XIRP1: variants seen among roughly 807,000 people sequenced by gnomAD.
XIRP1 encodes the protein xin actin binding repeat containing 1.
For synonymous variants in XIRP1, 984 were observed against 947.0 expected (o/e 1.04, Z -0.72); for missense variants, 2,378 against 2,345.4 (o/e 1.01, Z -0.29).
At chr3:39,191,511 G>A (rs1321530155) in intron 1 of XIRP1, among the ~76,000 whole-genome samples, 1 of 152,204 alleles carries the variant, frequency 6.6e-6, no homozygotes, top group South Asian at 2.1e-4. Flanking sequence ...CCAAAGAGGG[G>A]AAAGGAGCTG....
rs759885715 is a variant in XIRP1, at chr3:39,185,219, C to T, written c.4227G>A (p.Arg1409=). Residue 1409 remains arginine (R), a synonymous_variant, in exon 2 of 2, where the codon AGG becomes AGA. Coordinates refer to ENST00000340369, the MANE Select transcript of XIRP1 (RefSeq NM_194293.4). ...LQHGLSTTAP[R]PTKNQATGSN... is the part of the protein sequence containing the mutation. ...TGCCTGTAGCCTGATTCTTGGTGGGCCTGGGGGCCGTGGTGCTGAGGCCAT... is the reference window on the plus strand; with the variant it reads ...TGCCTGTAGCCTGATTCTTGGTGGGTCTGGGGGCCGTGGTGCTGAGGCCAT... 1 of 1,614,006 alleles carries T rather than the reference C, an allele frequency of 6.2e-7. No homozygotes were observed. The highest frequency in any genetic ancestry group is 8.5e-7 in the Non-Finnish European group (1 of 1,179,972).
intron 1 of XIRP1, among the ~76,000 whole-genome samples, chr3:39,191,176 G>A (rs2040082435): frequency 6.6e-6 from 1 of 152,202 alleles, no homozygotes; most frequent in South Asian, 2.1e-4. Flanking sequence ...AACCTTTGGG[G>A]AATGTGAGCT....
In XIRP1 at chr3:39,184,813, C is replaced by T; in HGVS notation, c.4633G>A (p.Ala1545Thr). 1 of 1,614,170 alleles carries T rather than the reference C, an allele frequency of 6.2e-7. No homozygotes were observed. Among genetic ancestry groups the T allele is most frequent in the Non-Finnish European group, 8.5e-7 (1 of 1,179,978 alleles). ...EVAQLKEQTL[A>T]RLLDIEEAVH... is the part of the protein sequence containing the mutation. ...GCCTCTTCAATGTCCAGCAGCCTTGCCAAGGTCTGTTCCTTCAGTTGAGCA... is the reference window on the plus strand; with the variant it reads ...GCCTCTTCAATGTCCAGCAGCCTTGTCAAGGTCTGTTCCTTCAGTTGAGCA... Residue 1545 changes from alanine (A) to threonine (T), a missense_variant, in exon 2 of 2, where the codon GCA (alanine) becomes ACA (threonine). By Grantham distance (58) the Ala-to-Thr change is moderately conservative (BLOSUM62 0). Coordinates refer to ENST00000340369, the MANE Select transcript of XIRP1 (RefSeq NM_194293.4).
chr3:39,187,069 C>G lies in XIRP1; in HGVS notation c.2377G>C (p.Glu793Gln). 1 of 1,613,228 alleles carries G rather than the reference C, an allele frequency of 6.2e-7. No individual in the cohort carries two copies. The highest frequency in any genetic ancestry group is 8.5e-7 in the Non-Finnish European group (1 of 1,179,276). Residue 793 changes from glutamate to glutamine, a missense_variant, in exon 2 of 2, where the codon GAG (glutamate) becomes CAG (glutamine). By Grantham distance (29) the Glu-to-Gln change is conservative. Coordinates refer to ENST00000340369, the MANE Select transcript of XIRP1 (RefSeq NM_194293.4). ...GILHHGGILM[E>Q]ARGPGELCLA... ...CAGAGCTCCCCTGGCCCTCGGGCCTCCATGAGGATGCCTCCATGGTGCAGG... is the reference window on the plus strand; with the variant it reads ...CAGAGCTCCCCTGGCCCTCGGGCCTGCATGAGGATGCCTCCATGGTGCAGG...
chr3:39,188,018 G>A lies in XIRP1; in HGVS notation c.1428C>T (p.Ala476=), dbSNP rs757552021. 3.1e-6 allele frequency: 5 copies of A among 1,614,038 alleles called. No individual in the cohort carries two copies. The highest frequency in any genetic ancestry group is 3.4e-6 in the Non-Finnish European group (4 of 1,180,028). ...REEGTDSAGQ[A]QGIGSPVYAM... is the part of the protein sequence containing the mutation. ...CATACACTGGGGACCCTATGCCCTG[G>A]GCCTGCCCAGCAGAATCAGTTCCTT... is the stretch of plus-strand genomic sequence containing the variant. The change falls in exon 2 of 2, where the codon GCC becomes GCT. Residue 476 remains alanine (A), a synonymous_variant. Coordinates refer to ENST00000340369, the MANE Select transcript of XIRP1 (RefSeq NM_194293.4).
At position 39,183,499 on chromosome 3, in the gene XIRP1, T is replaced by C. The variant is rs754617536; in HGVS notation, c.*415A>G. On this transcript the variant is annotated 3_prime_UTR_variant, in exon 2 of 2. Coordinates refer to ENST00000340369, the MANE Select transcript of XIRP1 (RefSeq NM_194293.4). ...TCCTCTCCAGGGATTAAGGAGCAGA[T>C]GGCTGGGAACACTCAGACTAATTAA... The C allele has an allele frequency of 8.2e-5, 14 of 170,388 alleles. No homozygotes were observed. The highest frequency in any genetic ancestry group is 2.7e-3 in the Middle Eastern group (1 of 366). 10.6% of individuals were successfully genotyped at this position (170,388 alleles called of 1,614,324 possible). A position where few individuals can be genotyped will look rare whatever the true frequency, so the allele number is the denominator to read the frequency against.
At position 39,185,944 on chromosome 3, in the gene XIRP1, G is replaced by A. The variant is rs773121562; in HGVS notation, c.3502C>T (p.His1168Tyr). The change falls in exon 2 of 2, where the codon CAC becomes TAC. Residue 1168 changes from histidine (H) to tyrosine (Y), a missense_variant. Coordinates refer to ENST00000340369, the MANE Select transcript of XIRP1 (RefSeq NM_194293.4). ...QLSQREPQSRHRETALSVQAP... is the reference protein window; with the variant it reads ...QLSQREPQSRYRETALSVQAP... ...TGGACTGAGAGGGCAGTCTCCCTGTGCCTTGACTGGGGTTCCCTCTGAGAA... is the reference window on the plus strand; with the variant it reads ...TGGACTGAGAGGGCAGTCTCCCTGTACCTTGACTGGGGTTCCCTCTGAGAA... The A allele has an allele frequency of 1.2e-6, 2 of 1,614,050 alleles. No homozygotes were observed. The highest frequency in any genetic ancestry group is 2.2e-5 in the South Asian group (2 of 91,084).
In XIRP1 at chr3:39,192,545, T is replaced by C. The variant is rs1045492421; in HGVS notation, c.-180A>G. 7.9e-5 allele frequency: 12 copies of C among 152,280 alleles called. No individual in the cohort carries two copies. The highest frequency in any genetic ancestry group is 2.9e-4 in the African/African-American group (12 of 41,416). 9.4% of individuals were successfully genotyped at this position (152,280 alleles called of 1,614,324 possible). On this transcript the variant is annotated 5_prime_UTR_variant, in exon 1 of 2. Coordinates refer to ENST00000340369, the MANE Select transcript of XIRP1 (RefSeq NM_194293.4). ...AGGTTCTTGTTCAAATTGGTTCTGT[T>C]CTGCTGGCTCCAACAGACACCTTCT...
Position 39,189,175 on chromosome 3 carries a change from C to T in XIRP1, c.271G>A (p.Val91Ile), listed in dbSNP as rs201415282. The change falls in exon 2 of 2, where the codon GTT becomes ATT. Residue 91 changes from valine to isoleucine, a missense_variant. Transcript: ENST00000340369. Reference protein sequence around the residue: ...LGSEEPTEGDVQCMRWIFENW... With the variant: ...LGSEEPTEGDIQCMRWIFENW... ...TCAAAGATCCAGCGCATGCACTGAA[C>T]GTCACCCTCGGTGGGTTCCTCAGAG... 4 of 1,614,200 alleles carry T rather than the reference C, an allele frequency of 2.5e-6. No individual in the cohort carries two copies. The highest frequency in any genetic ancestry group is 2.2e-5 in the East Asian group (1 of 44,888).
chr3:39,189,318 G>T lies in XIRP1; in HGVS notation c.128C>A (p.Ser43Tyr). The T allele has an allele frequency of 6.2e-7, 1 of 1,605,846 alleles. No homozygotes were observed. Among genetic ancestry groups the T allele is most frequent in the South Asian group, 1.1e-5 (1 of 90,984 alleles). ...LPLPPPKESF[S>Y]KFHQQRQASE... ...AGCTTGCCGCTGCTGATGGAACTTG[G>T]AGAAGGATTCCTTGGGTGGCGGCAG... The change falls in exon 2 of 2, where the codon TCC becomes TAC. Residue 43 changes from serine to tyrosine, a missense_variant. Transcript: ENST00000340369.
chr3:39,191,013 CA>C (rs910312628), intron 1 of XIRP1, among the ~76,000 whole-genome samples: 3 of 152,198 alleles, frequency 2.0e-5, no homozygotes, highest in Non-Finnish European at 4.4e-5. Context: ...AGAACCTGGA[CA>C]CCTTCCCTGG....
rs1054288036 is a variant in XIRP1, at chr3:39,184,464, G to A, written c.4982C>T (p.Pro1661Leu). 4 of 1,614,128 alleles carry A rather than the reference G, an allele frequency of 2.5e-6. No individual in the cohort carries two copies. Among genetic ancestry groups the A allele is most frequent in the Middle Eastern group, 1.6e-4 (1 of 6,062 alleles). ...GGAGGAGGGAGAATCTCGGCTGGAA[G>A]GTAAAACCCGAGGAGGGCACAAATA... is the stretch of plus-strand genomic sequence containing the variant. ...REYLCPPRVL[P>L]SSRDSPSSPT... The change falls in exon 2 of 2, where the codon CCT becomes CTT. Residue 1661 changes from proline (P) to leucine (L), a missense_variant. By Grantham distance (98) the Pro-to-Leu change is moderately conservative. Coordinates refer to ENST00000340369, the MANE Select transcript of XIRP1 (RefSeq NM_194293.4).
rs1459379001 is a variant in XIRP1 at position 39,186,037 on chromosome 3, T to C, written c.3409A>G (p.Thr1137Ala). The C allele has an allele frequency of 6.2e-7, 1 of 1,614,080 alleles. No homozygotes were observed. Residue 1137 changes from threonine to alanine, a missense_variant, in exon 2 of 2, where the codon ACA (threonine) becomes GCA (alanine). Thr to Ala is a moderately conservative substitution (Grantham distance 58). Transcript: ENST00000340369. ...GCGGTGTAGATGCCATCCTGAATTG[T>C]CACCCACCCCCCAGGCAGCCCTCTG... ...LPRGLPGGWV[T>A]IQDGIYTAHP...
chr3:39,190,945 C>G (rs550448294), intron 1 of XIRP1, among the ~76,000 whole-genome samples: 1 of 152,196 alleles, frequency 6.6e-6, no homozygotes. Flanking sequence ...GCCTGGGCTC[C>G]CCTATCCTGC....
In XIRP1 at chr3:39,185,425, T is replaced by C. The variant is rs137961390; in HGVS notation, c.4021A>G (p.Arg1341Gly). The C allele has an allele frequency of 1.8e-4, 286 of 1,611,874 alleles. No individual in the cohort carries two copies. In the African/African-American group the frequency reaches 3.6e-3, roughly 21 times the overall value. ...AHLTQSHPPQ[R>G]LPKPLPLSPS... is the part of the protein sequence containing the mutation. ...GATAGAGGCAAGGGCTTGGGCAGCC[T>C]CTGAGGAGGGTGGCTCTGGGTTAGG... Residue 1341 changes from arginine to glycine, a missense_variant, in exon 2 of 2, where the codon AGG becomes GGG. By Grantham distance (125) the Arg-to-Gly change is moderately radical. Coordinates refer to ENST00000340369, the MANE Select transcript of XIRP1 (RefSeq NM_194293.4).
At position 39,185,484 on chromosome 3, in the gene XIRP1, T is replaced by G; in HGVS notation, c.3962A>C (p.Lys1321Thr). The G allele has an allele frequency of 6.4e-7, 1 of 1,567,978 alleles. No homozygotes were observed. The highest frequency in any genetic ancestry group is 1.2e-5 in the South Asian group (1 of 82,826). ...TPKLDPTMPPKKKPQLPPKPA... is the reference protein window; with the variant it reads ...TPKLDPTMPPTKKPQLPPKPA... ...TTTAGGGGGCAGCTGCGGCTTCTTC[T>G]TTGGGGGCATGGTGGGGTCCAGTTT... Residue 1321 changes from lysine to threonine, a missense_variant, in exon 2 of 2, where the codon AAG becomes ACG. Coordinates refer to ENST00000340369, the MANE Select transcript of XIRP1 (RefSeq NM_194293.4).
chr3:39,184,368 T>C lies in XIRP1; in HGVS notation c.5078A>G (p.Asp1693Gly). The change falls in exon 2 of 2, where the codon GAT becomes GGT. Residue 1693 changes from aspartate to glycine, a missense_variant. Physicochemically the swap from Asp to Gly is moderately conservative, Grantham distance 94. Coordinates refer to ENST00000340369, the MANE Select transcript of XIRP1 (RefSeq NM_194293.4). ...CAGTTGTGTGCTTTTCACTGAGACA[T>C]CAGGGTTGCCCTTAAAGCTGGGAGT... Reference protein sequence around the residue: ...LETPSFKGNPDVSVKSTQLAQ... With the variant: ...LETPSFKGNPGVSVKSTQLAQ... 6.2e-7 allele frequency: 1 copy of C among 1,614,152 alleles called. No homozygotes were observed. Among genetic ancestry groups the C allele is most frequent in the Non-Finnish European group, 8.5e-7 (1 of 1,180,030 alleles).
At position 39,187,675 on chromosome 3, in the gene XIRP1, C is replaced by T. The variant is rs2040007877; in HGVS notation, c.1771G>A (p.Val591Met). Residue 591 changes from valine (V) to methionine (M), a missense_variant, in exon 2 of 2, where the codon GTG (valine) becomes ATG (methionine). Physicochemically the swap from Val to Met is conservative, Grantham distance 21. Transcript: ENST00000340369. ...PQPEAPPKGD[V>M]QTIRWLFETC... Reference sequence around the variant, plus strand: ...TCGAACAACCACCGGATGGTCTGCACATCGCCCTTTGGGGGTGCCTCAGGC... The same window carrying T: ...TCGAACAACCACCGGATGGTCTGCATATCGCCCTTTGGGGGTGCCTCAGGC... The T allele has an allele frequency of 1.2e-6, 2 of 1,614,100 alleles. No individual in the cohort carries two copies. Among genetic ancestry groups the T allele is most frequent in the Non-Finnish European group, 1.7e-6 (2 of 1,180,042 alleles).
In XIRP1 at chr3:39,188,306, G is replaced by A. The variant is rs768703924; in HGVS notation, c.1140C>T (p.Ser380=). The A allele has an allele frequency of 3.6e-5, 58 of 1,613,952 alleles. No individual in the cohort carries two copies. The highest frequency in any genetic ancestry group is 4.6e-5 in the Non-Finnish European group (54 of 1,180,002). ...GCTTTGTTTCAAATAGCCACAGGGT[G>A]GAGCGGACATCACCAGGGACCACTT... ...KEEVVPGDVR[S]TLWLFETKPL... Residue 380 remains serine (S), a synonymous_variant, in exon 2 of 2, where the codon TCC becomes TCT. Transcript: ENST00000340369.
Sources: allele counts gnomAD v4.1 joint callset (sites outside exome capture counted in the v4.1 genomes callset), GRCh38; gene constraint gnomAD v4.1.1; transcripts MANE v1.5; gene names NCBI Gene and HGNC (gene_info 2026-07-23, HGNC 2026-07-21).